The following WWC1 variants were observed in gnomAD, a reference collection of about 807,000 sequenced individuals.
WWC1 encodes WW and C2 domain containing 1.
WWC1 carries 55 observed loss-of-function variants against 138.4 expected under a neutral mutation model. The observed-to-expected ratio is 0.40, with a 90% CI of 0.32 to 0.50. WWC1 has a LOEUF of 0.50. Ranked by LOEUF, WWC1 falls within the 20% of genes least tolerant of loss-of-function variation. WWC1 has a pLI of 0.72. For synonymous variants in WWC1, 524 were observed against 564.9 expected (o/e 0.93, Z 1.03); for missense variants, 1,226 against 1,420.4 (o/e 0.86, Z 2.20).
At chr5:168,430,697 G>T (rs1366409940) in intron 14 of WWC1, among the ~76,000 whole-genome samples, 1 of 152,176 alleles carries the variant, frequency 6.6e-6, no homozygotes, top group South Asian at 2.1e-4. Flanking sequence ...CTTGATGCTG[G>T]TAGGATGCAA....
chr5:168,391,640 C>G (rs1582133376), intron 3 of WWC1, among the ~76,000 whole-genome samples: 1 of 132,128 alleles, frequency 7.6e-6, no homozygotes, highest in Non-Finnish European at 1.5e-5. Flanking sequence ...GCCTGGGCAA[C>G]AGAGCAACAC....
intron 1 of WWC1, among the ~76,000 whole-genome samples, chr5:168,351,716 G>A (rs531520850): frequency 2.0e-5 from 3 of 152,292 alleles, no homozygotes; most frequent in East Asian, 3.9e-4. Flanking sequence ...AAGAGGAAAC[G>A]AGAAAGACCA....
chr5:168,332,441 ATAAT>A (rs1305052637), intron 1 of WWC1, among the ~76,000 whole-genome samples: 2 of 152,218 alleles, frequency 1.3e-5, no homozygotes, highest in Non-Finnish European at 2.9e-5. Flanking sequence ...GTTGCATCTA[ATAAT>A]TCTGTTTATA....
In WWC1 at chr5:168,431,247, T is replaced by C. The variant is rs1164285862; in HGVS notation, c.2088-5T>C. 6.2e-7 allele frequency: 1 copy of C among 1,610,878 alleles called. No homozygotes were observed. The highest frequency in any genetic ancestry group is 1.1e-5 in the South Asian group (1 of 90,532). On this transcript the variant is annotated splice_polypyrimidine_tract_variant and splice_region_variant and intron_variant, in intron 14 of 22. Coordinates refer to ENST00000265293, the MANE Select transcript of WWC1 (RefSeq NM_015238.3). ...AAGATTTCCTGCGGTTCTGTCTCCCTCTAGGAATATCCGCGTGGCTGTCCT... is the reference window on the plus strand; with the variant it reads ...AAGATTTCCTGCGGTTCTGTCTCCCCCTAGGAATATCCGCGTGGCTGTCCT...
At chr5:168,403,049 TC>T (rs1779467808) in intron 5 of WWC1, among the ~76,000 whole-genome samples, 5 of 135,102 alleles carry the variant, frequency 3.7e-5, no homozygotes. Context: ...TTTCTTTCTT[TC>T]TTTCTTTCTT....
At chr5:168,455,555 AG>A (rs764485857) in intron 19 of WWC1, 35 bp downstream of exon 19, 18 of 1,596,458 alleles carry the variant, frequency 1.1e-5, no homozygotes, top group Non-Finnish European at 1.4e-5. Flanking sequence ...TGCTCCCCTC[AG>A]GGTAGCCGAG....
intron 11 of WWC1, 57 bp from the exon 12 acceptor site, chr5:168,427,976 G>T (rs781072869): frequency 2.7e-5 from 39 of 1,467,336 alleles, no homozygotes; most frequent in Non-Finnish European, 3.7e-5. Context: ...ACAAAATTGG[G>T]AGTCGCAAAG....
chr5:168,341,061 C>T (rs1773997215), intron 1 of WWC1, among the ~76,000 whole-genome samples: 1 of 152,162 alleles, frequency 6.6e-6, no homozygotes, highest in Admixed American at 6.5e-5. Flanking sequence ...CTGGGGAGAG[C>T]AAAGCAGACA....
At chr5:168,363,378 G>A (rs372071544) in intron 1 of WWC1, among the ~76,000 whole-genome samples, 4 of 151,886 alleles carry the variant, frequency 2.6e-5, no homozygotes, top group East Asian at 3.9e-4. Flanking sequence ...ACAAAAATTA[G>A]CCCGGCATGG....
chr5:168,445,437 C>T (rs1004809760), intron 17 of WWC1, among the ~76,000 whole-genome samples: 7 of 150,804 alleles, frequency 4.6e-5, no homozygotes, highest in African/African-American at 7.3e-5. Context: ...TGGTGGCTCA[C>T]GCCTGTAATC....
At chr5:168,393,513 C>G (rs1213109452) in intron 3 of WWC1, among the ~76,000 whole-genome samples, 2 of 152,162 alleles carry the variant, frequency 1.3e-5, no homozygotes, top group Non-Finnish European at 2.9e-5. Flanking sequence ...AATTCTATAT[C>G]CAGCAAAACT....
intron 1 of WWC1, among the ~76,000 whole-genome samples, chr5:168,296,934 TA>T (rs1769588719): frequency 6.6e-6 from 1 of 152,358 alleles, no homozygotes; most frequent in South Asian, 2.1e-4. Flanking sequence ...TGATTTCACT[TA>T]CCTGTGACCA....
At chr5:168,423,000 A>G (rs1781217875) in intron 10 of WWC1, among the ~76,000 whole-genome samples, 1 of 151,094 alleles carries the variant, frequency 6.6e-6, no homozygotes, top group Admixed American at 6.6e-5. Flanking sequence ...CAAAAAATTA[A>G]CCGGGCGTGG....
intron 5 of WWC1, among the ~76,000 whole-genome samples, chr5:168,401,469 A>G (rs1779303609): frequency 6.6e-6 from 1 of 152,184 alleles, no homozygotes; most frequent in African/African-American, 2.4e-5. Context: ...CCATAGCCCC[A>G]AGCCTTTGGC....
chr5:168,360,372 G>T (rs1392735557), intron 1 of WWC1, among the ~76,000 whole-genome samples: 2 of 152,146 alleles, frequency 1.3e-5, no homozygotes, highest in African/African-American at 4.8e-5. Context: ...TATTATTATT[G>T]CTATTACTAT....
At chr5:168,410,017 G>A in intron 8 of WWC1, 22 bp downstream of exon 8, 2 of 1,613,116 alleles carry the variant, frequency 1.2e-6, no homozygotes, top group Non-Finnish European at 1.7e-6. Context: ...GGGGCTAGGG[G>A]CGGGATGGTT....
intron 1 of WWC1, among the ~76,000 whole-genome samples, chr5:168,344,529 G>A (rs1280705326): frequency 6.6e-6 from 1 of 152,258 alleles, no homozygotes; most frequent in Admixed American, 6.5e-5. Flanking sequence ...CTACAAAGTA[G>A]ATGTATATGT....
intron 2 of WWC1, among the ~76,000 whole-genome samples, chr5:168,378,681 C>G (rs1166131135): frequency 1.3e-5 from 2 of 152,112 alleles, no homozygotes; most frequent in Non-Finnish European, 2.9e-5. Flanking sequence ...ATTATATCAG[C>G]TTGTATTGCC....
chr5:168,337,642 A>G (rs1773605800), intron 1 of WWC1, among the ~76,000 whole-genome samples: 2 of 152,242 alleles, frequency 1.3e-5, no homozygotes. Flanking sequence ...TTCTGTTTTC[A>G]TGGATCTTAT....
Sources: allele counts gnomAD v4.1 joint callset (sites outside exome capture counted in the v4.1 genomes callset), GRCh38; gene constraint gnomAD v4.1.1; transcripts MANE v1.5; gene names NCBI Gene and HGNC (gene_info 2026-07-23, HGNC 2026-07-21).